The following AGTPBP1 variants were observed in gnomAD, a reference collection of about 807,000 sequenced individuals.
The protein encoded by AGTPBP1 is cytosolic carboxypeptidase 1.
AGTPBP1 carries 70 observed loss-of-function variants against 143.9 expected under a neutral mutation model. The ratio of observed to expected loss-of-function variants is 0.49; its 90% CI spans 0.40 to 0.59. The LOEUF is 0.59. Ranked by LOEUF, AGTPBP1 falls within the 20% of genes least tolerant of loss-of-function variation. AGTPBP1 has a pLI of 0.00. For missense variants in AGTPBP1, 1,229 were observed against 1,464.5 expected, an observed-to-expected ratio of 0.84 and a Z score of 2.62; for synonymous variants, 463 against 500.2, an observed-to-expected ratio of 0.93 and a Z score of 0.99.
intron 6 of AGTPBP1, 82 bp from the exon 7 acceptor site, chr9:85,672,763 CT>C (rs1834573119): frequency 9.4e-7 from 1 of 1,066,028 alleles, no homozygotes; most frequent in African/African-American, 2.0e-5. Flanking sequence ...GAGACAGAGT[CT>C]TGCTCTGTCA....
chr9:85,677,496 G>A lies in AGTPBP1; in HGVS notation c.376C>T (p.Pro126Ser), dbSNP rs1287635823. 1.2e-6 allele frequency: 2 copies of A among 1,604,142 alleles called. No individual in the cohort carries two copies. Among genetic ancestry groups the A allele is most frequent in the Non-Finnish European group, 1.7e-6 (2 of 1,175,354 alleles). ...QLLMNASKES[P>S]PHEDLMVQIH... ...TGTACCATTAAGTCCTCATGTGGGGGAGATTCTTTGCTGGCATTCATAAGT... is the reference window on the plus strand; with the variant it reads ...TGTACCATTAAGTCCTCATGTGGGGAAGATTCTTTGCTGGCATTCATAAGT... Residue 126 changes from proline (P) to serine (S), a missense_variant, in exon 6 of 26, where the codon CCC becomes TCC. Pro to Ser is a moderately conservative substitution (Grantham distance 74, BLOSUM62 -1). This residue lies in a region of AGTPBP1 where 743 missense variants were observed against 812.2 expected (regional missense o/e 0.91). Coordinates refer to ENST00000357081, the MANE Select transcript of AGTPBP1 (RefSeq NM_001330701.2).
intron 13 of AGTPBP1, among the ~76,000 whole-genome samples, chr9:85,636,876 C>T (rs1312598312): frequency 6.6e-6 from 1 of 151,920 alleles, no homozygotes; most frequent in Non-Finnish European, 1.5e-5. Context: ...CACACTTAGT[C>T]AACATTACTA....
intron 3 of AGTPBP1, among the ~76,000 whole-genome samples, chr9:85,692,394 C>T (rs1471212282): frequency 6.6e-6 from 1 of 151,930 alleles, no homozygotes; most frequent in Non-Finnish European, 1.5e-5. Context: ...CTGCCTCAGC[C>T]TCCCGAGTAA....
At chr9:85,740,765 T>C (rs1164749868) in intron 1 of AGTPBP1, among the ~76,000 whole-genome samples, 1 of 152,224 alleles carries the variant, frequency 6.6e-6, no homozygotes, top group Non-Finnish European at 1.5e-5. Flanking sequence ...TTGTCATGCA[T>C]TGTAATTAAA....
At chr9:85,751,484 A>G in the AGTPBP1 span, among the ~76,000 whole-genome samples, 1 of 152,202 alleles carries the variant, frequency 6.6e-6, no homozygotes, top group Non-Finnish European at 1.5e-5. Flanking sequence ...GTACTTATCC[A>G]TCATGGACCA....
At chr9:85,660,083 AT>A (rs969783515) in intron 9 of AGTPBP1, among the ~76,000 whole-genome samples, 3 of 151,588 alleles carry the variant, frequency 2.0e-5, no homozygotes, top group African/African-American at 7.3e-5. Flanking sequence ...ATTTGCTATT[AT>A]TTAAAAAAAA....
At chr9:85,801,940 ATATG>A in the AGTPBP1 span, among the ~76,000 whole-genome samples, 1 of 152,138 alleles carries the variant, frequency 6.6e-6, no homozygotes, top group Non-Finnish European at 1.5e-5. Flanking sequence ...GTATGTGTAT[ATATG>A]TATGTATGTA....
chr9:85,681,938 C>A (rs1403095481), intron 3 of AGTPBP1, among the ~76,000 whole-genome samples: 1 of 151,100 alleles, frequency 6.6e-6, no homozygotes, highest in Non-Finnish European at 1.5e-5. Context: ...TTAGTAGAGA[C>A]GGGGTTTTAC....
At chr9:85,610,408 A>G (rs955263234) in intron 17 of AGTPBP1, among the ~76,000 whole-genome samples, 2 of 152,230 alleles carry the variant, frequency 1.3e-5, no homozygotes, top group African/African-American at 4.8e-5. Flanking sequence ...TACAATTGAA[A>G]ATACAGTGTG....
chr9:85,668,834 T>TA lies in AGTPBP1; in HGVS notation c.662+650dup, dbSNP rs529182012. Among the ~76,000 whole-genome samples the TA allele has an allele frequency of 1.4e-3, 215 of 150,346 alleles. 2 individuals carry two copies. The highest frequency in any genetic ancestry group is 2.4e-3 in the Non-Finnish European group (162 of 67,454). ...TATGTATGTTTTAAAAATTCCACAA[T>TA]AAAAAAAAATTTTAAAGAAAGACCT... On this transcript the variant is annotated intron_variant, in intron 8 of 25. Transcript: ENST00000357081.
At chr9:85,741,703 C>A in intron 1 of AGTPBP1, 72 bp downstream of exon 1, 1 of 1,267,422 alleles carries the variant, frequency 7.9e-7, no homozygotes, top group South Asian at 2.7e-5. Context: ...CGCCGTCGCT[C>A]GCATCTCCCG....
At chr9:85,671,166 G>C (rs1834457331) in intron 7 of AGTPBP1, among the ~76,000 whole-genome samples, 1 of 150,926 alleles carries the variant, frequency 6.6e-6, no homozygotes, top group Admixed American at 6.6e-5. Flanking sequence ...CAGGCTGGTT[G>C]CAAACTCCTG....
At chr9:85,794,614 T>C in the AGTPBP1 span, among the ~76,000 whole-genome samples, 7 of 152,140 alleles carry the variant, frequency 4.6e-5, no homozygotes, top group African/African-American at 1.7e-4. Flanking sequence ...TTTCCAACAT[T>C]TGTTCGTTAT....
chr9:85,781,799 G>T, the AGTPBP1 span, among the ~76,000 whole-genome samples: 1 of 152,076 alleles, frequency 6.6e-6, no homozygotes, highest in East Asian at 1.9e-4. Context: ...AAATGTAATA[G>T]AACCCATTTT....
intron 25 of AGTPBP1, among the ~76,000 whole-genome samples, chr9:85,566,107 G>A (rs1827067761): frequency 6.6e-6 from 1 of 152,104 alleles, no homozygotes; most frequent in African/African-American, 2.4e-5. Context: ...ACCATGAATG[G>A]CACATTATGC....
chr9:85,796,314 T>A, the AGTPBP1 span, among the ~76,000 whole-genome samples: 101 of 152,276 alleles, frequency 6.6e-4, no homozygotes, highest in Admixed American at 1.3e-3. Flanking sequence ...GAATTCTTCA[T>A]ATTAGGCTGC....
chr9:85,674,677 T>C (rs1463184185), intron 6 of AGTPBP1, among the ~76,000 whole-genome samples: 1 of 152,176 alleles, frequency 6.6e-6, no homozygotes, highest in Non-Finnish European at 1.5e-5. Flanking sequence ...TTAAGGCTCC[T>C]AATATACCTG....
chr9:85,727,692 C>G (rs1476352238), intron 1 of AGTPBP1, among the ~76,000 whole-genome samples: 1 of 152,070 alleles, frequency 6.6e-6, no homozygotes, highest in Non-Finnish European at 1.5e-5. Context: ...CATGAAGTAA[C>G]TGAACAACTC....
chr9:85,619,360 A>G, intron 15 of AGTPBP1, 59 bp from the exon 16 acceptor site: 1 of 1,171,404 alleles, frequency 8.5e-7, no homozygotes, highest in Non-Finnish European at 1.2e-6. Context: ...CAGATGAGCA[A>G]AAAGTAAATA....
Sources: gnomAD v4.1 joint callset for allele counts (sites outside exome capture counted in the v4.1 genomes callset) on GRCh38, gnomAD v4.1.1 for gene constraint, gnomAD v4.1.1 regional missense constraint, MANE v1.5 for transcripts, NCBI Gene and HGNC (gene_info 2026-07-23, HGNC 2026-07-21) for gene names.